Variants in DPPA4 observed in about 807,000 individuals in gnomAD.
DPPA4 encodes developmental pluripotency-associated protein 4.
DPPA4 carries 22 observed loss-of-function variants against 33.7 expected under a neutral mutation model. The observed-to-expected ratio is 0.65, with a 90% CI of 0.47 to 0.93. The LOEUF (loss-of-function observed/expected upper bound fraction) is 0.93, where lower values mean the gene tolerates loss of function less well. DPPA4 is among the 40% of genes least tolerant of loss of function. The pLI is 0.00. For synonymous variants in DPPA4, 156 were observed against 132.3 expected, an observed-to-expected ratio of 1.18 and a Z score of -1.23; for missense variants, 340 against 358.6, an observed-to-expected ratio of 0.95 and a Z score of 0.42.
At chr3:109,330,345 A>G (rs1708039584) in intron 5 of DPPA4, 179 bp downstream of exon 5, 3 of 548,110 alleles carry the variant, frequency 5.5e-6, no homozygotes, top group Non-Finnish European at 9.6e-6. Flanking sequence ...AAAAAAAAAA[A>G]GAAATGCAAA....
intron 2 of DPPA4, chr3:109,333,565 A>G (rs890810459): frequency 1.4e-5 from 3 of 213,284 alleles, no homozygotes; most frequent in Non-Finnish European, 2.8e-5. Flanking sequence ...GGATCTTCAA[A>G]TTTACAGCTG....
chr3:109,331,811 A>G, intron 3 of DPPA4, 27 bp from the exon 4 acceptor site: 1 of 1,613,622 alleles, frequency 6.2e-7, no homozygotes, highest in Non-Finnish European at 8.5e-7. Context: ...CTGAGTTAGT[A>G]AGGCAAATAA....
intron 1 of DPPA4, 135 bp from the exon 2 acceptor site, chr3:109,334,128 G>A (rs2107349474): frequency 1.1e-6 from 1 of 915,346 alleles, no homozygotes; most frequent in Non-Finnish European, 1.6e-6. Context: ...TCTCCTCTGG[G>A]TATCATCTTA....
chr3:109,336,176 T>TTTA (rs1176995306), intron 1 of DPPA4: 3 of 152,006 alleles, frequency 2.0e-5, no homozygotes, highest in African/African-American at 7.2e-5. Context: ...ATAATAAAAT[T>TTTA]TCTCCTAAAT....
rs1244234855 is a variant in DPPA4, at chr3:109,331,671, A to C, written c.390+63T>G. On this transcript the variant is annotated intron_variant, in intron 4 of 6. Coordinates refer to ENST00000335658, the MANE Select transcript of DPPA4 (RefSeq NM_018189.4). ...TGAGGCTAAGACAGTTCCTTTACTC[A>C]CTTTTGAGGCTACAATAGGTAATTA... 10 of 1,514,232 alleles carry C rather than the reference A, an allele frequency of 6.6e-6. No homozygotes were observed. The East Asian group carries it at 2.0e-4, about 31-fold the overall frequency. 93.8% of individuals were successfully genotyped at this position (1,514,232 alleles called of 1,614,324 possible). A position where few individuals can be genotyped will look rare whatever the true frequency, so the allele number is the denominator to read the frequency against.
intron 2 of DPPA4, among the ~76,000 whole-genome samples, chr3:109,332,985 C>T (rs193231462): frequency 2.0e-5 from 3 of 152,206 alleles, no homozygotes; most frequent in Middle Eastern, 3.4e-3. Context: ...ACTTGGGAGG[C>T]TGAGGCAGGA....
rs1707929959 is a variant in DPPA4, at chr3:109,326,174, T to C, written c.*1814A>G. ...TCCAATTATTAATTTATTTTGTATA[T>C]AGAGAAATTTAAGTTTATTGAAATG... On this transcript the variant is annotated 3_prime_UTR_variant, in exon 7 of 7. Transcript: ENST00000335658. 6.6e-6 allele frequency: 1 copy of C among 151,892 alleles called. No homozygotes were observed. Among genetic ancestry groups the C allele is most frequent in the South Asian group, 2.1e-4 (1 of 4,826 alleles). The allele number at this position is 151,892 out of a possible 1,614,324, so 9.4% of individuals were successfully genotyped here.
At chr3:109,338,375 A>G (rs148634388), upstream of DPPA4, among the ~76,000 whole-genome samples, 100 of 152,334 alleles carry the variant, frequency 6.6e-4, 2 homozygotes, top group East Asian at 0.019. Flanking sequence ...TGACTCCCAA[A>G]GAAGTTCAAG....
upstream of DPPA4, among the ~76,000 whole-genome samples, chr3:109,337,779 T>C (rs578128656): frequency 3.8e-4 from 58 of 152,226 alleles, no homozygotes; most frequent in African/African-American, 1.4e-3. Flanking sequence ...TCCGGAGACA[T>C]TGGGAGATTG....
In DPPA4 at chr3:109,327,994, C is replaced by T; in HGVS notation, c.909G>A (p.Trp303Ter). 1 of 1,546,800 alleles carries T rather than the reference C, an allele frequency of 6.5e-7. No homozygotes were observed. Reference sequence around the variant, plus strand: ...TGGCCTTTTTCCTGATATTCTATTCCCATTGGAGGCTTTTTATTAAGACCT... The same window carrying T: ...TGGCCTTTTTCCTGATATTCTATTCTCATTGGAGGCTTTTTATTAAGACCT... ...RNKVLIKSLQWE is the reference protein window; with the variant it reads ...RNKVLIKSLQ The change falls in exon 7 of 7, where the codon TGG becomes TGA. Residue 303 changes from tryptophan (W) to a stop codon, truncating the protein, a stop_gained. Coordinates refer to ENST00000335658, the MANE Select transcript of DPPA4 (RefSeq NM_018189.4). LOFTEE classifies it high-confidence loss of function.
At chr3:109,329,657 G>A (rs1399587019) in intron 5 of DPPA4, 1 of 154,100 alleles carries the variant, frequency 6.5e-6, no homozygotes, top group African/African-American at 2.4e-5. Context: ...GTCTGGAAAG[G>A]GCTTCATGAA....
At chr3:109,329,629 GA>G (rs1417531391) in intron 5 of DPPA4, 1 of 155,972 alleles carries the variant, frequency 6.4e-6, no homozygotes, top group Non-Finnish European at 1.4e-5. Context: ...GCAGATGGTA[GA>G]AAGACTAACC....
chr3:109,334,424 C>T (rs1442353109), intron 1 of DPPA4, among the ~76,000 whole-genome samples: 1 of 151,814 alleles, frequency 6.6e-6, no homozygotes, highest in Non-Finnish European at 1.5e-5. Flanking sequence ...GTGGTGTGTG[C>T]GTGTAGTCCA....
rs1466251875 is a variant in DPPA4 at position 109,329,072 on chromosome 3, C to A, written c.696G>T (p.Val232=). 6.2e-7 allele frequency: 1 copy of A among 1,614,000 alleles called. No individual in the cohort carries two copies. Residue 232 remains valine (V), a synonymous_variant, in exon 6 of 7, where the codon GTG becomes GTT. Transcript: ENST00000335658. ...CTGCAGGGAGACTTTTCCCATGGACCACACACCACCTGACACCTGGCAATG... is the reference window on the plus strand; with the variant it reads ...CTGCAGGGAGACTTTTCCCATGGACAACACACCACCTGACACCTGGCAATG... The part of the protein sequence containing the change: ...PQEASGVRWC[V]VHGKSLPADT...
At chr3:109,335,946 A>T (rs1484726109) in intron 1 of DPPA4, among the ~76,000 whole-genome samples, 1 of 151,516 alleles carries the variant, frequency 6.6e-6, no homozygotes, top group Non-Finnish European at 1.5e-5. Flanking sequence ...TGAGGTCAGG[A>T]GTTCGAGACC....
At chr3:109,331,563 A>AAAAAG (rs1184149764) in intron 4 of DPPA4, among the ~76,000 whole-genome samples, 171 bp downstream of exon 4, 59 of 146,644 alleles carry the variant, frequency 4.0e-4, no homozygotes, top group African/African-American at 1.4e-3. Context: ...AAAAAAAAAA[A>AAAAAG]AAAAGAAAGA....
intron 4 of DPPA4, 118 bp from the exon 5 acceptor site, chr3:109,330,930 C>T: frequency 4.2e-6 from 4 of 957,622 alleles, no homozygotes; most frequent in Non-Finnish European, 6.1e-6. Flanking sequence ...TTCAAGAGAT[C>T]TATTGTACAA....
rs572806251 is a variant in DPPA4 at position 109,337,380 on chromosome 3, T to G, written c.54+84A>C. The stretch of plus-strand genomic sequence containing the variant: ...GAAAATTCGAAGGCACATTCTTTTC[T>G]CCTTAAAGGAAAAATCAGGAGTGCC... On this transcript the variant is annotated intron_variant, in intron 1 of 6. Coordinates refer to ENST00000335658, the MANE Select transcript of DPPA4 (RefSeq NM_018189.4). 9.5e-5 allele frequency: 122 copies of G among 1,278,406 alleles called. 1 individual carries two copies. The African/African-American group carries it at 1.5e-3, about 16-fold the overall frequency. 79.2% of individuals were successfully genotyped at this position (1,278,406 alleles called of 1,614,324 possible).
rs1052682583 is a variant in DPPA4 at position 109,326,169 on chromosome 3, G to A, written c.*1819C>T. On this transcript the variant is annotated 3_prime_UTR_variant, in exon 7 of 7. Coordinates refer to ENST00000335658, the MANE Select transcript of DPPA4 (RefSeq NM_018189.4). ...TAGACTCCAATTATTAATTTATTTT[G>A]TATATAGAGAAATTTAAGTTTATTG... 2 of 151,994 alleles carry A rather than the reference G, an allele frequency of 1.3e-5. No homozygotes were observed. Among genetic ancestry groups the A allele is most frequent in the Non-Finnish European group, 1.5e-5 (1 of 68,028 alleles). The allele number at this position is 151,994 out of a possible 1,614,324, so 9.4% of individuals were successfully genotyped here.
Sources: allele counts gnomAD v4.1 joint callset (sites outside exome capture counted in the v4.1 genomes callset), GRCh38; gene constraint gnomAD v4.1.1; transcripts MANE v1.5; gene names NCBI Gene and HGNC (gene_info 2026-07-23, HGNC 2026-07-21).